Variants in LRRC7 observed in about 807,000 individuals in gnomAD.
LRRC7 encodes leucine rich repeat containing 7, also known as leucine-rich repeat-containing protein 7.
In LRRC7, 23 loss-of-function variants were observed where a neutral mutation model predicts 175.7. That is an observed-to-expected ratio of 0.13 (90% CI 0.09 to 0.19). LRRC7 has a LOEUF of 0.19. LRRC7 is among the 10% of genes least tolerant of loss of function. LRRC7 has a pLI of 1.00. For synonymous variants in LRRC7, 685 were observed against 680.9 expected (o/e 1.01, Z -0.09); for missense variants, 1,354 against 1,904.7 (o/e 0.71, Z 5.38).
chr1:69,652,365 A>G (rs1655975186), intron 1 of LRRC7, among the ~76,000 whole-genome samples: 1 of 152,110 alleles, frequency 6.6e-6, no homozygotes, highest in Non-Finnish European at 1.5e-5. Context: ...TTCAAAAAGG[A>G]AATTAAGAAA....
At chr1:69,906,825 C>T (rs1014896664) in intron 7 of LRRC7, among the ~76,000 whole-genome samples, 5 of 152,098 alleles carry the variant, frequency 3.3e-5, no homozygotes, top group South Asian at 2.1e-4. Context: ...GTGGGGATGG[C>T]GTTGAATCTA....
chr1:69,737,826 CCA>C (rs746146462), intron 2 of LRRC7, among the ~76,000 whole-genome samples: 21 of 152,034 alleles, frequency 1.4e-4, no homozygotes, highest in Non-Finnish European at 2.6e-4. Flanking sequence ...CTTGAACTCA[CCA>C]CAGTCTCATA....
chr1:69,981,454 A>G (rs1653419856), intron 9 of LRRC7, among the ~76,000 whole-genome samples: 1 of 152,248 alleles, frequency 6.6e-6, no homozygotes, highest in Non-Finnish European at 1.5e-5. Flanking sequence ...ATGCATTTTT[A>G]CCATCAAAGA....
At chr1:69,944,210 A>G (rs1420398296) in intron 8 of LRRC7, among the ~76,000 whole-genome samples, 3 of 152,040 alleles carry the variant, frequency 2.0e-5, no homozygotes, top group Non-Finnish European at 4.4e-5. Context: ...ATGTCGTTTC[A>G]GCAGAATCAT....
intron 2 of LRRC7, among the ~76,000 whole-genome samples, chr1:69,713,797 A>C (rs2100743778): frequency 6.6e-6 from 1 of 151,762 alleles, no homozygotes; most frequent in East Asian, 1.9e-4. Context: ...AATAGAGATA[A>C]TTGTTTAACA....
At chr1:69,760,817 T>C (rs1160537637) in intron 3 of LRRC7, among the ~76,000 whole-genome samples, 2 of 152,076 alleles carry the variant, frequency 1.3e-5, no homozygotes, top group Admixed American at 1.3e-4. Flanking sequence ...GAAATGCTTT[T>C]ACACACATTA....
At chr1:70,114,245 G>A (rs1296296527) in intron 26 of LRRC7, among the ~76,000 whole-genome samples, 2 of 152,176 alleles carry the variant, frequency 1.3e-5, no homozygotes, top group African/African-American at 4.8e-5. Flanking sequence ...CACTGAGGGT[G>A]GGGGACTATG....
At chr1:69,750,897 A>G (rs1010454118) in intron 2 of LRRC7, among the ~76,000 whole-genome samples, 1 of 152,164 alleles carries the variant, frequency 6.6e-6, no homozygotes, top group Non-Finnish European at 1.5e-5. Flanking sequence ...TTTAACATGA[A>G]TTTTGAAGGG....
intron 4 of LRRC7, among the ~76,000 whole-genome samples, chr1:69,793,537 C>A (rs1675373550): frequency 2.0e-5 from 3 of 152,048 alleles, no homozygotes; most frequent in Admixed American, 1.3e-4. Flanking sequence ...CACCTTCAGG[C>A]CTTTTCTTAA....
chr1:69,570,887 G>T (rs970328919), intron 1 of LRRC7, among the ~76,000 whole-genome samples: 2 of 152,172 alleles, frequency 1.3e-5, no homozygotes, highest in Non-Finnish European at 2.9e-5. Flanking sequence ...TGTGGAAAAT[G>T]TCCTGAGGTC....
chr1:70,061,883 T>A (rs1266881141), intron 23 of LRRC7, among the ~76,000 whole-genome samples: 1 of 152,202 alleles, frequency 6.6e-6, no homozygotes, highest in Non-Finnish European at 1.5e-5. Context: ...TAATTTCACC[T>A]CTGGTTGAAA....
At chr1:69,671,334 G>A (rs534125730) in intron 1 of LRRC7, among the ~76,000 whole-genome samples, 7 of 152,232 alleles carry the variant, frequency 4.6e-5, no homozygotes, top group South Asian at 4.1e-4. Flanking sequence ...TTTGACTGGT[G>A]CTCTATCCTA....
chr1:69,663,911 C>T (rs922547550), intron 1 of LRRC7, among the ~76,000 whole-genome samples: 3 of 150,566 alleles, frequency 2.0e-5, no homozygotes, highest in African/African-American at 7.3e-5. Context: ...TTAGTAGAGA[C>T]GGGGTTTCAC....
intron 2 of LRRC7, among the ~76,000 whole-genome samples, chr1:69,750,160 C>T (rs1669707263): frequency 6.6e-6 from 1 of 151,616 alleles, no homozygotes; most frequent in Admixed American, 6.6e-5. Context: ...GTAGAGCACC[C>T]TTTCATAAAG....
At chr1:69,979,652 C>A (rs978049896) in intron 8 of LRRC7, among the ~76,000 whole-genome samples, 2 of 151,924 alleles carry the variant, frequency 1.3e-5, no homozygotes, top group Non-Finnish European at 2.9e-5. Flanking sequence ...AGGCATGTAC[C>A]GCATTGTACA....
intron 7 of LRRC7, among the ~76,000 whole-genome samples, chr1:69,927,140 A>G (rs1056050001): frequency 2.9e-4 from 44 of 152,266 alleles, no homozygotes; most frequent in South Asian, 1.2e-3. Flanking sequence ...TTGGCCCCCA[A>G]TGTCTTCTGG....
chr1:69,587,160 C>A (rs1646435380), intron 1 of LRRC7, among the ~76,000 whole-genome samples: 1 of 151,910 alleles, frequency 6.6e-6, no homozygotes, highest in Non-Finnish European at 1.5e-5. Flanking sequence ...TTCTTAAATC[C>A]CTTCTCTTTG....
intron 7 of LRRC7, among the ~76,000 whole-genome samples, chr1:69,924,841 A>G (rs2101748156): frequency 6.6e-6 from 1 of 152,288 alleles, no homozygotes; most frequent in East Asian, 1.9e-4. Flanking sequence ...ACTATGTTGA[A>G]TAGGAGTGGT....
At chr1:69,783,971 A>G (rs1280971304) in intron 3 of LRRC7, among the ~76,000 whole-genome samples, 1 of 152,134 alleles carries the variant, frequency 6.6e-6, no homozygotes, top group Non-Finnish European at 1.5e-5. Flanking sequence ...AGCATTGCTC[A>G]TGTTAGAAAA....
Sources: gnomAD v4.1 joint callset for allele counts (sites outside exome capture counted in the v4.1 genomes callset) on GRCh38, gnomAD v4.1.1 for gene constraint, MANE v1.5 for transcripts, NCBI Gene and HGNC (gene_info 2026-07-23, HGNC 2026-07-21) for gene names.